The following TTC16 variants were observed in gnomAD, a reference collection of about 807,000 sequenced individuals.
TTC16 encodes tetratricopeptide repeat protein 16.
TTC16 carries 66 observed loss-of-function variants against 80.4 expected under a neutral mutation model. The observed-to-expected ratio is 0.82, with a 90% CI of 0.67 to 1.01. The LOEUF is 1.01. Ranked by LOEUF, TTC16 falls within the 50% of genes least tolerant of loss-of-function variation. TTC16 has a pLI of 0.00. For missense variants in TTC16, 1,070 were observed against 1,103.2 expected (o/e 0.97, Z 0.43); for synonymous variants, 438 against 451.3 (o/e 0.97, Z 0.37).
rs377093683 is a variant in TTC16 at position 127,724,397 on chromosome 9, G to C, written c.1117+33G>C. ...GCGACCAGGGCACTGGGGAGGGGGG[G>C]TGCGGGGGAGCCTCGCCATCTCTAA... On this transcript the variant is annotated intron_variant, in intron 8 of 13. Coordinates refer to ENST00000373289, the MANE Select transcript of TTC16 (RefSeq NM_144965.3). 6 of 1,604,284 alleles carry C rather than the reference G, an allele frequency of 3.7e-6. No individual in the cohort carries two copies. In the Admixed American group the frequency reaches 8.4e-5, roughly 22 times the overall value.
rs762144698 is a variant in TTC16, at chr9:127,724,401, G to C, written c.1117+37G>C. On this transcript the variant is annotated intron_variant, in intron 8 of 13. Coordinates refer to ENST00000373289, the MANE Select transcript of TTC16 (RefSeq NM_144965.3). ...CCAGGGCACTGGGGAGGGGGGGTGC[G>C]GGGGAGCCTCGCCATCTCTAAGGCC... 1.1e-5 allele frequency: 17 copies of C among 1,605,730 alleles called. No homozygotes were observed. The South Asian group carries it at 1.8e-4, about 17-fold the overall frequency.
chr9:127,727,666 T>A, intron 12 of TTC16: 1 of 1,115,698 alleles, frequency 9.0e-7, no homozygotes. Flanking sequence ...GGAGGGTGTG[T>A]GGGGATGTGG....
Position 127,726,396 on chromosome 9 carries a change from C to G in TTC16, c.1417C>G (p.Gln473Glu). The part of the protein sequence containing the change: ...VATVLLLNPK[Q>E]PKLSLLMTNL... ...CACTGTCCTGCTCCTCAACCCCAAG[C>G]AACCAAAGGTAGGTTCCTGCCACGT... is the stretch of plus-strand genomic sequence containing the variant. The change falls in exon 10 of 14, where the codon CAA becomes GAA. Residue 473 changes from glutamine (Q) to glutamate (E), a missense_variant. Gln to Glu is a conservative substitution (Grantham distance 29). Coordinates refer to ENST00000373289, the MANE Select transcript of TTC16 (RefSeq NM_144965.3). 2.5e-6 allele frequency: 4 copies of G among 1,600,296 alleles called. No homozygotes were observed. Among genetic ancestry groups the G allele is most frequent in the Non-Finnish European group, 3.4e-6 (4 of 1,171,810 alleles).
In TTC16 at chr9:127,731,573, A is replaced by C; in HGVS notation, c.*168A>C. ...ATACTTGTTTTCTTTTACAAAATTA[A>C]AAACATCTAAAACCAGGCCCAAGTG... is the stretch of plus-strand genomic sequence containing the variant. On this transcript the variant is annotated 3_prime_UTR_variant, in exon 14 of 14. Coordinates refer to ENST00000373289, the MANE Select transcript of TTC16 (RefSeq NM_144965.3). The C allele has an allele frequency of 2.2e-6, 3 of 1,390,590 alleles. No homozygotes were observed. Among genetic ancestry groups the C allele is most frequent in the Non-Finnish European group, 2.8e-6 (3 of 1,064,538 alleles). The allele number at this position is 1,390,590 out of a possible 1,614,324, so 86.1% of individuals were successfully genotyped here.
At chr9:127,720,045 G>T (rs774111527) in intron 4 of TTC16, 33 bp from the exon 5 acceptor site, 2 of 1,603,188 alleles carry the variant, frequency 1.2e-6, no homozygotes, top group Non-Finnish European at 1.7e-6. Context: ...GGCTGGGGTG[G>T]CAAGCAGAAT....
intron 13 of TTC16, 153 bp downstream of exon 13, chr9:127,729,821 ACTG>A (rs1211741506): frequency 1.5e-6 from 1 of 652,884 alleles, no homozygotes; most frequent in East Asian, 2.8e-5. Context: ...CGGGAGTAAC[ACTG>A]TTGCGGGGCT....
intron 10 of TTC16, 103 bp from the exon 11 acceptor site, chr9:127,726,867 C>CCTGGGAAGGGCCAAATCTGG: frequency 7.3e-7 from 1 of 1,370,268 alleles, no homozygotes; most frequent in East Asian, 2.5e-5. Flanking sequence ...CTTCTTCAGC[C>CCTGGGAAGGGCCAAATCTGG]CTGGGAAGGG....
intron 8 of TTC16, 170 bp from the exon 9 acceptor site, chr9:127,724,586 C>A: frequency 8.9e-7 from 1 of 1,119,580 alleles, no homozygotes; most frequent in Non-Finnish European, 1.2e-6. Context: ...TCAAAACAGG[C>A]AGCTGGGGAA....
chr9:127,716,289 G>A, intron 1 of TTC16, 126 bp downstream of exon 1: 1 of 1,386,642 alleles, frequency 7.2e-7, no homozygotes. Flanking sequence ...GAAGGCCCTG[G>A]CCGCCATGCC....
Position 127,720,293 on chromosome 9 carries a change from G to T in TTC16, c.555G>T (p.Gln185His), listed in dbSNP as rs903206250. Residue 185 changes from glutamine to histidine, a missense_variant, in exon 6 of 14, where the codon CAG (glutamine) becomes CAT (histidine). Physicochemically the swap from Gln to His is conservative, Grantham distance 24. Coordinates refer to ENST00000373289, the MANE Select transcript of TTC16 (RefSeq NM_144965.3). Reference sequence around the variant, plus strand: ...TGGCCTGTCTCCTGGCCCTCAAGCAGCATCAGGCCTGCCTCACGCTCATCA... The same window carrying T: ...TGGCCTGTCTCCTGGCCCTCAAGCATCATCAGGCCTGCCTCACGCTCATCA... ...RCMACLLALK[Q>H]HQACLTLITN... 16 of 1,613,320 alleles carry T rather than the reference G, an allele frequency of 9.9e-6. No individual in the cohort carries two copies. In the African/African-American group the frequency reaches 2.1e-4, roughly 22 times the overall value.
intron 13 of TTC16, 168 bp downstream of exon 13, chr9:127,729,836 C>T: frequency 1.6e-6 from 1 of 618,604 alleles, no homozygotes; most frequent in Non-Finnish European, 2.9e-6. Flanking sequence ...TGCGGGGCTG[C>T]CCAGGACGAG....
At chr9:127,719,696 T>C (rs1168780532) in intron 4 of TTC16, among the ~76,000 whole-genome samples, 1 of 152,218 alleles carries the variant, frequency 6.6e-6, no homozygotes, top group African/African-American at 2.4e-5. Flanking sequence ...TTTCACCATG[T>C]TGGCCAGGCT....
At chr9:127,730,390 G>A in intron 13 of TTC16, 2 of 572,428 alleles carry the variant, frequency 3.5e-6, no homozygotes, top group East Asian at 2.9e-5. Flanking sequence ...GAGGGCAGGG[G>A]CAGCCACAGA....
intron 4 of TTC16, among the ~76,000 whole-genome samples, chr9:127,719,053 A>G (rs1337633877): frequency 6.6e-6 from 1 of 151,790 alleles, no homozygotes; most frequent in East Asian, 2.0e-4. Context: ...TCTACTAAAA[A>G]TACAAAAACT....
rs1843121869 is a variant in TTC16, at chr9:127,717,385, G to A, written c.243G>A (p.Val81=). The stretch of plus-strand genomic sequence containing the variant: ...AGCAGGCAGACTGGGAGACAGCTGT[G>A]CTGCTCTTCTCCCGCGCACTCCACC... ...CLEQADWETA[V]LLFSRALHLD... The change falls in exon 3 of 14, where the codon GTG becomes GTA. Residue 81 remains valine (V), a synonymous_variant. Transcript: ENST00000373289. 6.2e-7 allele frequency: 1 copy of A among 1,613,204 alleles called. No individual in the cohort carries two copies. The highest frequency in any genetic ancestry group is 8.5e-7 in the Non-Finnish European group (1 of 1,180,032).
At chr9:127,729,805 C>A (rs1265094867) in intron 13 of TTC16, 137 bp downstream of exon 13, 5 of 730,140 alleles carry the variant, frequency 6.8e-6, no homozygotes, top group Admixed American at 4.7e-5. Flanking sequence ...GCGAGTGGCT[C>A]TAGAGCGGGA....
At chr9:127,716,444 G>A in intron 1 of TTC16, 1 of 576,706 alleles carries the variant, frequency 1.7e-6, no homozygotes. Flanking sequence ...AGTGTGGCCT[G>A]CTGGAGTGAG....
chr9:127,730,881 G>A lies in TTC16; in HGVS notation c.2098G>A (p.Ala700Thr), dbSNP rs760970201. 1.2e-6 allele frequency: 2 copies of A among 1,612,918 alleles called. No homozygotes were observed. The highest frequency in any genetic ancestry group is 2.2e-5 in the South Asian group (2 of 91,042). The change falls in exon 14 of 14, where the codon GCC becomes ACC. Residue 700 changes from alanine to threonine, a missense_variant. Transcript: ENST00000373289. ...GAGGCGGAACTCCAGCAAGACCAAG[G>A]CCACTATACACAAGAGGAACTCCAG... is the stretch of plus-strand genomic sequence containing the variant. ...SQRRNSSKTK[A>T]TIHKRNSSKT...
intron 2 of TTC16, 82 bp downstream of exon 2, chr9:127,717,098 T>G (rs907628869): frequency 6.5e-5 from 100 of 1,543,132 alleles, no homozygotes; most frequent in Non-Finnish European, 8.5e-5. Context: ...AGCCACTTAC[T>G]CTCTTCAGGC....
Sources: allele counts gnomAD v4.1 joint callset (sites outside exome capture counted in the v4.1 genomes callset), GRCh38; gene constraint gnomAD v4.1.1; transcripts MANE v1.5; gene names NCBI Gene and HGNC (gene_info 2026-07-23, HGNC 2026-07-21).